NLGN1: variants seen among roughly 807,000 people sequenced by gnomAD.
The protein encoded by NLGN1 is neuroligin 1.
NLGN1 carries 12 observed loss-of-function variants against 65.5 expected under a neutral mutation model. That is an observed-to-expected ratio of 0.18 (90% CI 0.12 to 0.30). The LOEUF (loss-of-function observed/expected upper bound fraction) is 0.30. NLGN1 is among the 10% of genes least tolerant of loss of function. The pLI is 1.00. For missense variants in NLGN1, 750 were observed against 1,007.1 expected, an observed-to-expected ratio of 0.74 and a Z score of 3.46; for synonymous variants, 350 against 359.5, an observed-to-expected ratio of 0.97 and a Z score of 0.30.
At chr3:174,271,648 T>C (rs916005450) in intron 4 of NLGN1, among the ~76,000 whole-genome samples, 18 of 151,766 alleles carry the variant, frequency 1.2e-4, no homozygotes, top group African/African-American at 4.1e-4. Context: ...AGTTGCCAGA[T>C]CAGGTAAACA....
rs1715513752 is a variant in NLGN1 at position 173,423,516 on chromosome 3, C to T, written c.-389-11494C>T. ...GGTGTGGGCTTTGGATAAATGTTCC[C>T]ATTCCAAATTGGGAAAAATTGACCA... On this transcript the variant is annotated intron_variant, in intron 1 of 6. Coordinates refer to ENST00000457714, the Ensembl canonical transcript of NLGN1. Among the ~76,000 whole-genome samples, 6 of 152,116 alleles carry T rather than the reference C, an allele frequency of 3.9e-5. No homozygotes were observed. In the South Asian group the frequency reaches 1.2e-3, roughly 32 times the overall value.
rs578171273 is a variant in NLGN1 at position 173,738,674 on chromosome 3, G to A, written c.494-69006G>A. On this transcript the variant is annotated intron_variant, in intron 3 of 6. Transcript: ENST00000457714. ...GGGGTAAGTTTTGAAATGGGAAATT[G>A]TAATTCCTCCAACTCTGTTTATTTT... Among the ~76,000 whole-genome samples, 9 of 152,150 alleles carry A rather than the reference G, an allele frequency of 5.9e-5. No homozygotes were observed. The East Asian group carries it at 1.7e-3, about 29-fold the overall frequency.
At chr3:173,463,213 A>G (rs991624511) in intron 2 of NLGN1, among the ~76,000 whole-genome samples, 5 of 152,254 alleles carry the variant, frequency 3.3e-5, no homozygotes, top group African/African-American at 9.6e-5. Context: ...CTTATTAACT[A>G]TTCTGAATAA....
At chr3:173,991,103 G>T (rs866173930) in intron 4 of NLGN1, among the ~76,000 whole-genome samples, 1 of 151,940 alleles carries the variant, frequency 6.6e-6, no homozygotes, top group African/African-American at 2.4e-5. Context: ...TTCACTTTTG[G>T]TGTTGTACAT....
chr3:173,935,194 G>T (rs1233502504), intron 4 of NLGN1, among the ~76,000 whole-genome samples: 1 of 151,768 alleles, frequency 6.6e-6, no homozygotes, highest in Non-Finnish European at 1.5e-5. Context: ...ATCCAACCTG[G>T]TTTTTTAGCA....
At chr3:173,941,871 A>G (rs1027766189) in intron 4 of NLGN1, among the ~76,000 whole-genome samples, 1 of 151,742 alleles carries the variant, frequency 6.6e-6, no homozygotes, top group African/African-American at 2.4e-5. Flanking sequence ...ACATGCCATC[A>G]TGAGCTTCTA....
At chr3:173,879,359 G>T (rs907680157) in intron 4 of NLGN1, among the ~76,000 whole-genome samples, 1 of 152,108 alleles carries the variant, frequency 6.6e-6, no homozygotes, top group Non-Finnish European at 1.5e-5. Flanking sequence ...AGTTCACTGG[G>T]TCTAATGCCA....
intron 2 of NLGN1, among the ~76,000 whole-genome samples, chr3:173,527,428 C>T (rs1298672247): frequency 2.6e-5 from 4 of 152,054 alleles, no homozygotes; most frequent in South Asian, 2.1e-4. Context: ...GACGGAGTCT[C>T]GCTCTTTCAC....
intron 4 of NLGN1, among the ~76,000 whole-genome samples, chr3:173,808,464 G>A (rs1423442380): frequency 6.6e-6 from 1 of 152,054 alleles, no homozygotes; most frequent in Admixed American, 6.6e-5. Context: ...AAAAAGTATA[G>A]AGACATATTA....
intron 4 of NLGN1, among the ~76,000 whole-genome samples, chr3:174,088,027 A>G (rs1054755076): frequency 4.6e-5 from 7 of 152,238 alleles, no homozygotes; most frequent in African/African-American, 1.7e-4. Flanking sequence ...CATATATGCT[A>G]TTATATATGT....
chr3:173,628,147 A>G (rs1024802547), intron 3 of NLGN1, among the ~76,000 whole-genome samples: 2 of 152,062 alleles, frequency 1.3e-5, no homozygotes, highest in African/African-American at 4.8e-5. Context: ...CCCTGTGGTT[A>G]CCCTTAAGGG....
chr3:173,699,624 C>T (rs1003046684), intron 3 of NLGN1, among the ~76,000 whole-genome samples: 3 of 152,168 alleles, frequency 2.0e-5, no homozygotes, highest in African/African-American at 7.2e-5. Context: ...ATCCAAATCC[C>T]TCTCTCCAGT....
At chr3:173,484,576 A>G (rs921520126) in intron 2 of NLGN1, among the ~76,000 whole-genome samples, 4 of 152,214 alleles carry the variant, frequency 2.6e-5, no homozygotes, top group Admixed American at 2.6e-4. Context: ...TATTCATATT[A>G]AAAGTCTCCT....
rs543230996 is a variant in NLGN1, at chr3:174,180,444, A to G, written c.647-94871A>G. Among the ~76,000 whole-genome samples the G allele has an allele frequency of 4.6e-5, 7 of 152,316 alleles. No individual in the cohort carries two copies. In the South Asian group the frequency reaches 1.4e-3, roughly 32 times the overall value. On this transcript the variant is annotated intron_variant, in intron 4 of 6. Transcript: ENST00000457714. ...AGCTGTTTCTAGAGAAATGTCATGT[A>G]ATTATTGCAAAAGCAAATGTGGAAT...
chr3:173,702,207 C>T (rs1245323003), intron 3 of NLGN1, among the ~76,000 whole-genome samples: 2 of 148,616 alleles, frequency 1.3e-5, no homozygotes, highest in Admixed American at 6.7e-5. Flanking sequence ...CCACTGCACT[C>T]CAGCCTGGGC....
At chr3:174,016,438 G>C (rs1726570764) in intron 4 of NLGN1, among the ~76,000 whole-genome samples, 1 of 152,156 alleles carries the variant, frequency 6.6e-6, no homozygotes, top group Non-Finnish European at 1.5e-5. Context: ...GTACATCTCG[G>C]AAAGAGCTGC....
Position 173,782,367 on chromosome 3 carries a change from GA to G in NLGN1, c.494-25305del, listed in dbSNP as rs571287388. ...CGGGTAATGTAAATATAGTAAAACAGAAAAAAAACCTCTCAAGATACTTTTA... is the reference window on the plus strand; with the variant it reads ...CGGGTAATGTAAATATAGTAAAACAGAAAAAAACCTCTCAAGATACTTTTA... On this transcript the variant is annotated intron_variant, in intron 3 of 6. Transcript: ENST00000457714. Among the ~76,000 whole-genome samples, 61 of 151,638 alleles carry G rather than the reference GA, an allele frequency of 4.0e-4. No individual in the cohort carries two copies. The South Asian group carries it at 0.012, about 31-fold the overall frequency.
intron 4 of NLGN1, among the ~76,000 whole-genome samples, chr3:174,045,924 A>G (rs1361625464): frequency 6.6e-6 from 1 of 152,184 alleles, no homozygotes; most frequent in Non-Finnish European, 1.5e-5. Flanking sequence ...AAGAATTCCA[A>G]TCTGAGATCA....
intron 4 of NLGN1, among the ~76,000 whole-genome samples, chr3:173,896,964 T>C (rs1426080339): frequency 6.6e-6 from 1 of 152,234 alleles, no homozygotes; most frequent in African/African-American, 2.4e-5. Context: ...CACTTACTAC[T>C]AAACACATCC....
Sources: gnomAD v4.1 joint callset for allele counts (sites outside exome capture counted in the v4.1 genomes callset) on GRCh38, gnomAD v4.1.1 for gene constraint, MANE v1.5 for transcripts, NCBI Gene and HGNC (gene_info 2026-07-23, HGNC 2026-07-21) for gene names.